NFIC: variants seen among roughly 807,000 people sequenced by gnomAD.
The protein encoded by NFIC is nuclear factor 1 C-type.
NFIC carries 12 observed loss-of-function variants against 54.4 expected under a neutral mutation model. That is an observed-to-expected ratio of 0.22 (90% CI 0.14 to 0.36). The LOEUF (loss-of-function observed/expected upper bound fraction) is 0.36. Ranked by LOEUF, NFIC falls within the 10% of genes least tolerant of loss-of-function variation. The pLI, the probability that NFIC is intolerant of heterozygous loss-of-function variation, is 1.00. For synonymous variants in NFIC, 322 were observed against 319.2 expected (o/e 1.01, Z -0.09); for missense variants, 575 against 718.2 (o/e 0.80, Z 2.28).
chr19:3,386,054 A>G (rs923479832), intron 2 of NFIC, among the ~76,000 whole-genome samples: 1 of 151,312 alleles, frequency 6.6e-6, no homozygotes, highest in African/African-American at 2.4e-5. Flanking sequence ...ACCTTTCCTT[A>G]TGCATTCCCT....
Position 3,449,088 on chromosome 19 carries a change from C to T in NFIC, c.1033C>T (p.Arg345Cys), listed in dbSNP as rs763701061. The T allele has an allele frequency of 5.6e-6, 9 of 1,613,768 alleles. No homozygotes were observed. Among genetic ancestry groups the T allele is most frequent in the Non-Finnish European group, 7.6e-6 (9 of 1,179,892 alleles). Residue 345 changes from arginine to cysteine, a missense_variant, in exon 7 of 11, where the codon CGC (arginine) becomes TGC (cysteine). Physicochemically the swap from Arg to Cys is radical, Grantham distance 180. Around this residue, in one of 3 missense-constraint regions of NFIC, gnomAD observed 447 missense variants for 526.9 expected, o/e 0.85. Transcript: ENST00000443272. ...CAGCCCGTCCCCCCAGGACTCTCCC[C>T]GCCTCTCCAGCTTCACCCAGCACCA... is the stretch of plus-strand genomic sequence containing the variant. ...FNSPSPQDSPRLSSFTQHHRP... is the reference protein window; with the variant it reads ...FNSPSPQDSPCLSSFTQHHRP...
upstream of NFIC, among the ~76,000 whole-genome samples, chr19:3,364,544 G>A (rs2080858179): frequency 6.6e-6 from 1 of 152,212 alleles, no homozygotes; most frequent in Admixed American, 6.5e-5. Context: ...TCTCCCTGCA[G>A]CTACCGCCAC....
chr19:3,423,434 G>T (rs1465203897), intron 2 of NFIC, among the ~76,000 whole-genome samples: 1 of 152,232 alleles, frequency 6.6e-6, no homozygotes, highest in Non-Finnish European at 1.5e-5. Flanking sequence ...GGGGTCTGGC[G>T]GGTGGGCAGG....
At chr19:3,441,314 G>A (rs926891172) in intron 6 of NFIC, among the ~76,000 whole-genome samples, 3 of 152,230 alleles carry the variant, frequency 2.0e-5, no homozygotes, top group African/African-American at 4.8e-5. Context: ...AGGGTACCTC[G>A]CTCTCTTTGT....
In NFIC at chr19:3,464,714, C is replaced by A. The variant is rs12971613; in HGVS notation, c.*1945C>A. ...GCCTCAGGAGCTTGGCGAACCCGCT[C>A]GCTCCTAAAGAGAAAGACCCAGGAC... On this transcript the variant is annotated 3_prime_UTR_variant, in exon 11 of 11. Coordinates refer to ENST00000443272, the MANE Select transcript of NFIC (RefSeq NM_001245002.2). 14 of 984,910 alleles carry A rather than the reference C, an allele frequency of 1.4e-5. No individual in the cohort carries two copies. The highest frequency in any genetic ancestry group is 1.7e-5 in the Non-Finnish European group (14 of 829,948). 61.0% of individuals were successfully genotyped at this position (984,910 alleles called of 1,614,324 possible).
At chr19:3,362,096 GC>G (rs1197918248), upstream of NFIC, among the ~76,000 whole-genome samples, 1 of 152,228 alleles carries the variant, frequency 6.6e-6, no homozygotes, top group Admixed American at 6.5e-5. Context: ...AGGGCCGAGA[GC>G]CCAGCTCCAG....
At chr19:3,398,303 T>A (rs1254237349) in intron 2 of NFIC, among the ~76,000 whole-genome samples, 1 of 152,148 alleles carries the variant, frequency 6.6e-6, no homozygotes, top group Non-Finnish European at 1.5e-5. Flanking sequence ...CTGCCAAGTG[T>A]CACCTCCACT....
chr19:3,452,791 C>G lies in NFIC; in HGVS notation c.1269+125C>G. 8.4e-7 allele frequency: 1 copy of G among 1,184,770 alleles called. No homozygotes were observed. The highest frequency in any genetic ancestry group is 1.2e-6 in the Non-Finnish European group (1 of 856,076). 73.4% of individuals were successfully genotyped at this position (1,184,770 alleles called of 1,614,324 possible). On this transcript the variant is annotated intron_variant, in intron 8 of 10. Coordinates refer to ENST00000443272, the MANE Select transcript of NFIC (RefSeq NM_001245002.2). This position sits in a 1 kb window ranked among gnomAD's most constrained non-coding sequence, Gnocchi z 5.3. ...TCTTGAGGACTTGGCTCTGAAGTCC[C>G]CTCCTCTGTCGTGCTGGGAGGCAGC...
intron 1 of NFIC, among the ~76,000 whole-genome samples, chr19:3,367,318 C>T (rs2080909875): frequency 6.6e-6 from 1 of 152,200 alleles, no homozygotes; most frequent in African/African-American, 2.4e-5. Context: ...TGCAAGCCCC[C>T]CAGCACCGTC....
chr19:3,386,807 G>A (rs907734870), intron 2 of NFIC, among the ~76,000 whole-genome samples: 1 of 152,206 alleles, frequency 6.6e-6, no homozygotes. Context: ...AAGTTGTGGT[G>A]CGTGAGGGGG....
chr19:3,392,707 C>A (rs2081394789), intron 2 of NFIC, among the ~76,000 whole-genome samples: 1 of 152,218 alleles, frequency 6.6e-6, no homozygotes, highest in Admixed American at 6.5e-5. Context: ...CTAGGGACAG[C>A]TCTGTGCCCA....
chr19:3,455,377 C>G (rs776332893), intron 9 of NFIC, among the ~76,000 whole-genome samples: 1 of 149,472 alleles, frequency 6.7e-6, no homozygotes, highest in Non-Finnish European at 1.5e-5. Flanking sequence ...GTAGGATCCA[C>G]TCAGGGCTCG....
intron 2 of NFIC, among the ~76,000 whole-genome samples, chr19:3,385,573 G>GTTTTTT (rs569020735): frequency 2.7e-4 from 30 of 109,242 alleles, no homozygotes; most frequent in African/African-American, 8.2e-4. Context: ...GGTTGTTGTT[G>GTTTTTT]TTTTTTTTTT....
In NFIC at chr19:3,383,674, C is replaced by T. The variant is rs575896020; in HGVS notation, c.562+1431C>T. ...ATGCCCATCCAGGCCGTGTCTGGAGCACGCGTGAACCCCCACACACCCAGG... is the reference window on the plus strand; with the variant it reads ...ATGCCCATCCAGGCCGTGTCTGGAGTACGCGTGAACCCCCACACACCCAGG... On this transcript the variant is annotated intron_variant, in intron 2 of 10. Transcript: ENST00000443272. 6.6e-5 allele frequency among the ~76,000 whole-genome samples: 10 copies of T among 152,322 alleles called. No individual in the cohort carries two copies. The East Asian group carries it at 1.2e-3, about 18-fold the overall frequency.
In NFIC at chr19:3,465,989, CCT is replaced by C. The variant is rs1489896767; in HGVS notation, c.*3221_*3222del. On this transcript the variant is annotated 3_prime_UTR_variant, in exon 11 of 11. Coordinates refer to ENST00000443272, the MANE Select transcript of NFIC (RefSeq NM_001245002.2). ...CCACCTTCTCCTTTGTCCCCCATCC[CCT>C]GTCTCTGTCTTCCAGCTGTGAATAT... is the stretch of plus-strand genomic sequence containing the variant. 1.3e-5 allele frequency: 2 copies of C among 152,302 alleles called. No homozygotes were observed. The highest frequency in any genetic ancestry group is 6.5e-5 in the Admixed American group (1 of 15,280). The allele number at this position is 152,302 out of a possible 1,614,324, so 9.4% of individuals were successfully genotyped here. A position where few individuals can be genotyped will look rare whatever the true frequency, so the allele number is the denominator to read the frequency against.
intron 6 of NFIC, among the ~76,000 whole-genome samples, chr19:3,437,489 G>A (rs969709786): frequency 3.9e-5 from 6 of 152,072 alleles, no homozygotes; most frequent in African/African-American, 1.4e-4. Flanking sequence ...TTCCTAAAGG[G>A]TCTCCATCCC....
chr19:3,372,520 G>A (rs1391938143), intron 1 of NFIC, among the ~76,000 whole-genome samples: 2 of 152,202 alleles, frequency 1.3e-5, no homozygotes, highest in Non-Finnish European at 2.9e-5. Context: ...GGGACCGACA[G>A]TCTAGGCCGG....
At position 3,453,271 on chromosome 19, in the gene NFIC, A is replaced by T. The variant is rs1451349605; in HGVS notation, c.1270-492A>T. ...AAAAAAAGGTTGGGGGGCGGGGGGC[A>T]GGAAGACATTGATTACAAAAAAACC... is the stretch of plus-strand genomic sequence containing the variant. On this transcript the variant is annotated intron_variant, in intron 8 of 10. Coordinates refer to ENST00000443272, the MANE Select transcript of NFIC (RefSeq NM_001245002.2). The surrounding 1 kb of genome is among the most constrained non-coding windows in gnomAD (Gnocchi z 6.7). 6.6e-6 allele frequency among the ~76,000 whole-genome samples: 1 copy of T among 152,118 alleles called. No individual in the cohort carries two copies. Among genetic ancestry groups the T allele is most frequent in the Non-Finnish European group, 1.5e-5 (1 of 68,018 alleles).
chr19:3,415,937 G>A (rs1292564461), intron 2 of NFIC, among the ~76,000 whole-genome samples: 2 of 151,870 alleles, frequency 1.3e-5, no homozygotes, highest in African/African-American at 4.8e-5. Flanking sequence ...CAGGAGGAGC[G>A]CTTCAGCCCT....
Sources: allele counts gnomAD v4.1 joint callset (sites outside exome capture counted in the v4.1 genomes callset), GRCh38; gene constraint gnomAD v4.1.1; regional missense constraint gnomAD v4.1.1; non-coding constraint Gnocchi (gnomAD v3.1); transcripts MANE v1.5; gene names NCBI Gene and HGNC (gene_info 2026-07-23, HGNC 2026-07-21).